ALK: variants seen among roughly 807,000 people sequenced by gnomAD.
ALK encodes ALK tyrosine kinase receptor.
ALK carries 74 observed loss-of-function variants against 163.1 expected under a neutral mutation model. The ratio of observed to expected loss-of-function variants is 0.45; its 90% CI spans 0.38 to 0.55. ALK has a LOEUF of 0.55. Among genes scored for constraint, ALK ranks in the 20% least tolerant of loss-of-function variants. The probability of loss-of-function intolerance (pLI) is 0.00; values close to 1 mark genes in which losing one functional copy is unlikely to be tolerated. For synonymous variants in ALK, 960 were observed against 843.2 expected, an observed-to-expected ratio of 1.14 and a Z score of -2.40; for missense variants, 2,063 against 2,105.3, an observed-to-expected ratio of 0.98 and a Z score of 0.39.
At chr2:29,787,046 T>C (rs970356348) in intron 1 of ALK, among the ~76,000 whole-genome samples, 1 of 152,134 alleles carries the variant, frequency 6.6e-6, no homozygotes, top group Non-Finnish European at 1.5e-5. Flanking sequence ...CTGCCCGCCT[T>C]GGCCTCCCAA....
At chr2:29,734,175 A>C (rs1158603765) in intron 1 of ALK, among the ~76,000 whole-genome samples, 2 of 152,184 alleles carry the variant, frequency 1.3e-5, no homozygotes, top group African/African-American at 4.8e-5. Context: ...CATGTGTCCA[A>C]GATTCATTGA....
intron 12 of ALK, among the ~76,000 whole-genome samples, chr2:29,250,234 G>A (rs954838650): frequency 6.6e-6 from 1 of 152,202 alleles, no homozygotes; most frequent in East Asian, 1.9e-4. Context: ...AACTCTGGAG[G>A]TGGAGGCTGC....
At chr2:29,453,691 T>A (rs1670880088) in intron 4 of ALK, among the ~76,000 whole-genome samples, 1 of 151,716 alleles carries the variant, frequency 6.6e-6, no homozygotes, top group Non-Finnish European at 1.5e-5. Context: ...AAAGATGGAA[T>A]AGGAGAAAAG....
chr2:29,563,042 A>T (rs577664538), intron 3 of ALK, among the ~76,000 whole-genome samples: 27 of 152,234 alleles, frequency 1.8e-4, no homozygotes, highest in Non-Finnish European at 2.8e-4. Context: ...TCACAAAAAC[A>T]TGGTCTCCCA....
intron 26 of ALK, among the ~76,000 whole-genome samples, chr2:29,206,285 T>A (rs1036794697): frequency 2.4e-4 from 34 of 140,112 alleles, no homozygotes; most frequent in African/African-American, 7.5e-4. Context: ...GTTCCCTCCC[T>A]CCCTCTCTCT....
intron 1 of ALK, among the ~76,000 whole-genome samples, chr2:29,907,580 G>T (rs185925199): frequency 6.6e-6 from 1 of 152,164 alleles, no homozygotes; most frequent in East Asian, 1.9e-4. Flanking sequence ...CTTCTTGTAA[G>T]AAAATTCTTT....
At chr2:29,793,402 T>C (rs1309013920) in intron 1 of ALK, among the ~76,000 whole-genome samples, 1 of 152,166 alleles carries the variant, frequency 6.6e-6, no homozygotes, top group Non-Finnish European at 1.5e-5. Context: ...TCCAAACCCC[T>C]GTTCATGTTG....
chr2:29,548,303 C>T (rs1673613581), intron 3 of ALK, among the ~76,000 whole-genome samples: 2 of 152,228 alleles, frequency 1.3e-5, no homozygotes, highest in Admixed American at 6.5e-5. Flanking sequence ...GAAACCCTGT[C>T]TCTACTAAAA....
chr2:29,285,492 C>T (rs769531445), intron 9 of ALK, among the ~76,000 whole-genome samples: 2 of 151,976 alleles, frequency 1.3e-5, no homozygotes, highest in East Asian at 3.9e-4. Flanking sequence ...CTTCTGGCCT[C>T]AAGTGTTCTG....
chr2:29,224,197 C>T (rs1400348489), intron 19 of ALK, among the ~76,000 whole-genome samples: 2 of 152,122 alleles, frequency 1.3e-5, no homozygotes, highest in Non-Finnish European at 2.9e-5. Context: ...TGGAGAACTG[C>T]CAAGCCACAG....
intron 4 of ALK, among the ~76,000 whole-genome samples, chr2:29,411,046 C>G (rs1381089991): frequency 6.6e-6 from 1 of 152,046 alleles, no homozygotes; most frequent in Non-Finnish European, 1.5e-5. Flanking sequence ...TTCTTTATAT[C>G]CTTATTCTGT....
rs2148166577 is a variant in ALK, at chr2:29,220,787, T to A, written c.3564A>T (p.Gln1188His). The A allele has an allele frequency of 6.2e-7, 1 of 1,614,048 alleles. No individual in the cohort carries two copies. The highest frequency in any genetic ancestry group is 8.5e-7 in the Non-Finnish European group (1 of 1,179,966). ...CCAGCAGGATGAACCGGGGCAGGGA[T>A]TGCAGGCTCACCCCAATGCAGCGAA... ...NIVRCIGVSL[Q>H]SLPRFILLEL... The change falls in exon 23 of 29, where the codon CAA (glutamine) becomes CAT (histidine). Residue 1188 changes from glutamine to histidine, a missense_variant. Around this residue, in one of 5 missense-constraint regions of ALK, gnomAD observed 575 missense variants for 626.6 expected, o/e 0.92. Transcript: ENST00000389048.
chr2:29,217,236 CTG>C (rs1361280190), intron 23 of ALK, among the ~76,000 whole-genome samples: 5 of 145,340 alleles, frequency 3.4e-5, no homozygotes, highest in African/African-American at 1.0e-4. Context: ...TGTTTTATGT[CTG>C]TAGTGTGTGA....
intron 1 of ALK, among the ~76,000 whole-genome samples, chr2:29,740,382 GACAA>G (rs975442364): frequency 3.3e-5 from 5 of 151,438 alleles, no homozygotes; most frequent in Non-Finnish European, 7.3e-5. Flanking sequence ...CAGACACTGA[GACAA>G]ACAGAGGGTG....
chr2:29,504,045 T>C (rs1166313382), intron 4 of ALK, among the ~76,000 whole-genome samples: 2 of 152,072 alleles, frequency 1.3e-5, no homozygotes, highest in Non-Finnish European at 2.9e-5. Flanking sequence ...TAATTACCAG[T>C]TGTTGGTGGT....
intron 3 of ALK, among the ~76,000 whole-genome samples, chr2:29,637,185 T>C (rs1038085276): frequency 2.0e-5 from 3 of 151,948 alleles, no homozygotes; most frequent in East Asian, 1.9e-4. Context: ...GAAACCAACA[T>C]GTTCCTCCAT....
intron 4 of ALK, among the ~76,000 whole-genome samples, chr2:29,488,473 T>C (rs1008950341): frequency 2.6e-5 from 4 of 152,164 alleles, no homozygotes; most frequent in Admixed American, 1.3e-4. Context: ...TGTCAAGCAG[T>C]TTCCCTGGCA....
chr2:29,692,810 T>A (rs1455287106), intron 3 of ALK, among the ~76,000 whole-genome samples: 1 of 152,198 alleles, frequency 6.6e-6, no homozygotes, highest in Non-Finnish European at 1.5e-5. Flanking sequence ...TACAATTGTG[T>A]TGATGGCAAT....
chr2:29,276,741 G>A lies in ALK; in HGVS notation c.1818-1245C>T, dbSNP rs375977795. Among the ~76,000 whole-genome samples the A allele has an allele frequency of 1.5e-4, 23 of 152,294 alleles. 1 individual carries two copies. Among genetic ancestry groups the A allele is most frequent in the African/African-American group, 2.4e-4 (10 of 41,560 alleles). ...GAAGCCAGACAGTAGGTGAAAGACC[G>A]CCTATTGAATGATTCCATTGATAGA... On this transcript the variant is annotated intron_variant, in intron 9 of 28. Transcript: ENST00000389048.
Sources: gnomAD v4.1 joint callset for allele counts (sites outside exome capture counted in the v4.1 genomes callset) on GRCh38, gnomAD v4.1.1 for gene constraint, gnomAD v4.1.1 regional missense constraint, MANE v1.5 for transcripts, NCBI Gene and HGNC (gene_info 2026-07-23, HGNC 2026-07-21) for gene names.